The following KIAA1217 variants were observed in gnomAD, a reference collection of about 807,000 sequenced individuals.
KIAA1217 encodes sickle tail protein homolog.
Under a neutral mutation model 163.9 loss-of-function variants are expected in KIAA1217, and 88 were observed. That is an observed-to-expected ratio of 0.54 (90% CI 0.45 to 0.64). The LOEUF (loss-of-function observed/expected upper bound fraction) is 0.64. KIAA1217 is among the 30% of genes least tolerant of loss of function. KIAA1217 has a pLI of 0.00. For missense variants in KIAA1217, 2,372 were observed against 2,475.0 expected (o/e 0.96, Z 0.88); for synonymous variants, 903 against 923.1 (o/e 0.98, Z 0.39).
intron 1 of KIAA1217, among the ~76,000 whole-genome samples, chr10:23,860,331 G>A (rs976840801): frequency 1.3e-4 from 19 of 151,634 alleles, no homozygotes; most frequent in Non-Finnish European, 2.6e-4. Context: ...ATAATTTAAC[G>A]TCATTACTCC....
intron 3 of KIAA1217, among the ~76,000 whole-genome samples, chr10:24,409,997 C>CTTTTTTTTTTTTTT (rs71397947): frequency 1.1e-4 from 14 of 123,868 alleles, no homozygotes; most frequent in South Asian, 2.6e-4. Flanking sequence ...TTTCTTTTTT[C>CTTTTTTTTTTTTTT]TTTTTTTTTT....
chr10:23,729,614 G>A (rs1177075306), intron 1 of KIAA1217, among the ~76,000 whole-genome samples: 1 of 151,940 alleles, frequency 6.6e-6, no homozygotes, highest in East Asian at 1.9e-4. Context: ...TAAGGTCTTT[G>A]GTCCATTTTT....
chr10:24,454,112 A>C (rs2061589454), intron 5 of KIAA1217, among the ~76,000 whole-genome samples: 1 of 152,244 alleles, frequency 6.6e-6, no homozygotes, highest in African/African-American at 2.4e-5. Flanking sequence ...TTTGATGTCC[A>C]AATGAATTCT....
chr10:24,519,441 T>C (rs950007944), intron 10 of KIAA1217, among the ~76,000 whole-genome samples: 6 of 152,116 alleles, frequency 3.9e-5, no homozygotes, highest in Non-Finnish European at 8.8e-5. Context: ...GAGTTCATCC[T>C]TGTTGATGAG....
At chr10:24,189,632 C>G (rs2066618703) in intron 2 of KIAA1217, among the ~76,000 whole-genome samples, 1 of 152,134 alleles carries the variant, frequency 6.6e-6, no homozygotes. Flanking sequence ...TTACATGGCA[C>G]AGGAGCCTTC....
intron 2 of KIAA1217, among the ~76,000 whole-genome samples, chr10:24,267,637 C>T (rs2076361673): frequency 1.3e-5 from 2 of 152,108 alleles, no homozygotes; most frequent in Admixed American, 1.3e-4. Flanking sequence ...TTGAGTTGAT[C>T]CTAAGAGAAT....
At chr10:24,121,805 T>G (rs1252132801) in intron 2 of KIAA1217, among the ~76,000 whole-genome samples, 1 of 152,178 alleles carries the variant, frequency 6.6e-6, no homozygotes, top group African/African-American at 2.4e-5. Flanking sequence ...TCTTTGTTTT[T>G]CTATTGTTTC....
intron 5 of KIAA1217, among the ~76,000 whole-genome samples, chr10:24,453,809 G>T (rs1270695663): frequency 6.6e-6 from 1 of 152,162 alleles, no homozygotes. Context: ...GTAGCACAAA[G>T]AACTTGAGAG....
At chr10:24,007,252 G>A (rs1847043746) in exon 2 of KIAA1217, 1 of 151,636 alleles carries the variant, frequency 6.6e-6, no homozygotes, top group Non-Finnish European at 1.5e-5. Context: ...CTAAATTTGT[G>A]GCCGATTGCA....
At chr10:24,065,223 A>C (rs1365166287) in intron 2 of KIAA1217, among the ~76,000 whole-genome samples, 1 of 151,818 alleles carries the variant, frequency 6.6e-6, no homozygotes, top group Non-Finnish European at 1.5e-5. Context: ...TAGTTCTTTT[A>C]ATTGTGACGT....
chr10:23,768,221 A>G (rs138767182), intron 1 of KIAA1217, among the ~76,000 whole-genome samples: 2,072 of 152,352 alleles, frequency 0.014, 46 homozygotes, highest in African/African-American at 0.044. Flanking sequence ...ACAGTGGGGC[A>G]GGAGCATGGT....
chr10:23,920,425 T>G (rs16924071), intron 1 of KIAA1217, among the ~76,000 whole-genome samples: 10 of 152,166 alleles, frequency 6.6e-5, no homozygotes, highest in Admixed American at 4.6e-4. Context: ...AAATTTTGTT[T>G]TGAAGGCAAC....
chr10:24,067,310 G>C (rs150493123), intron 2 of KIAA1217, among the ~76,000 whole-genome samples: 370 of 152,274 alleles, frequency 2.4e-3, no homozygotes, highest in African/African-American at 8.6e-3. Flanking sequence ...GTGACGTACT[G>C]ATGGGTTTTT....
chr10:24,067,049 T>G (rs1322963968), intron 2 of KIAA1217, among the ~76,000 whole-genome samples: 1 of 152,168 alleles, frequency 6.6e-6, no homozygotes, highest in African/African-American at 2.4e-5. Context: ...TTGATCTAAT[T>G]TTTTTTCAAA....
At chr10:24,444,642 A>G (rs2060773739) in intron 5 of KIAA1217, among the ~76,000 whole-genome samples, 1 of 152,208 alleles carries the variant, frequency 6.6e-6, no homozygotes, top group African/African-American at 2.4e-5. Flanking sequence ...ATGGTCCTAC[A>G]AATGCCATAT....
intron 2 of KIAA1217, among the ~76,000 whole-genome samples, chr10:24,308,713 T>G (rs1239060842): frequency 2.0e-5 from 3 of 152,190 alleles, no homozygotes; most frequent in African/African-American, 7.2e-5. Context: ...GGCTCCAACA[T>G]AAGTTCTTGG....
intron 1 of KIAA1217, among the ~76,000 whole-genome samples, chr10:23,987,610 TGTGTGTGTGTGTGTATGTGTAC>T (rs1050769023): frequency 4.8e-5 from 5 of 103,480 alleles, no homozygotes; most frequent in African/African-American, 2.4e-4. Flanking sequence ...TATTTGTGTG[TGTGTGTGTGTGTGTATGTGTAC>T]GTGTGTGTGT....
At chr10:23,880,432 A>T (rs1256808466) in intron 1 of KIAA1217, among the ~76,000 whole-genome samples, 1 of 151,934 alleles carries the variant, frequency 6.6e-6, no homozygotes, top group Non-Finnish European at 1.5e-5. Context: ...GAGTAGAAGG[A>T]TGGTTACCAG....
intron 2 of KIAA1217, among the ~76,000 whole-genome samples, chr10:24,249,531 T>C (rs1303187178): frequency 6.6e-6 from 1 of 152,150 alleles, no homozygotes; most frequent in East Asian, 1.9e-4. Flanking sequence ...AAATACAACA[T>C]TTTCTTCCTG....
Sources: allele counts gnomAD v4.1 joint callset (sites outside exome capture counted in the v4.1 genomes callset), GRCh38; gene constraint gnomAD v4.1.1; transcripts MANE v1.5; gene names NCBI Gene and HGNC (gene_info 2026-07-23, HGNC 2026-07-21).